CNGB3: variants seen among roughly 807,000 people sequenced by gnomAD.
The protein encoded by CNGB3 is cyclic nucleotide-gated channel beta-3.
A neutral mutation model predicts 92.8 loss-of-function variants in CNGB3; 86 were observed. The ratio of observed to expected loss-of-function variants is 0.93; its 90% CI spans 0.78 to 1.11. The LOEUF is 1.11. CNGB3 is among the 50% of genes least tolerant of loss of function. The pLI, the probability that CNGB3 is intolerant of heterozygous loss-of-function variation, is 0.00. For missense variants in CNGB3, 1,026 were observed against 956.8 expected (o/e 1.07, Z -0.95); for synonymous variants, 333 against 332.7 (o/e 1.00, Z -0.01).
At chr8:86,642,369 A>C (rs1023552006) in intron 10 of CNGB3, among the ~76,000 whole-genome samples, 2 of 151,752 alleles carry the variant, frequency 1.3e-5, no homozygotes, top group African/African-American at 4.8e-5. Flanking sequence ...TCACATTCTA[A>C]AGGGAATTAT....
At chr8:86,630,280 G>A (rs1426866871) in intron 11 of CNGB3, among the ~76,000 whole-genome samples, 1 of 152,164 alleles carries the variant, frequency 6.6e-6, no homozygotes, top group East Asian at 1.9e-4. Context: ...CTAAGGCTGG[G>A]AGACTTGGTA....
rs1337509174 is a variant in CNGB3 at position 86,632,197 on chromosome 8, T to C, written c.1320+555A>G. Among the ~76,000 whole-genome samples, 5 of 63,842 alleles carry C rather than the reference T, an allele frequency of 7.8e-5. No individual in the cohort carries two copies. In the South Asian group the frequency reaches 2.4e-3, roughly 31 times the overall value. 41.9% of individuals were successfully genotyped at this position (63,842 alleles called of 152,430 possible). A position where few individuals can be genotyped will look rare whatever the true frequency, so the allele number is the denominator to read the frequency against. On this transcript the variant is annotated intron_variant, in intron 11 of 17. Coordinates refer to ENST00000320005, the MANE Select transcript of CNGB3 (RefSeq NM_019098.5). ...TTGGGTGACAGAGCAAGACCCTGTC[T>C]CAAAAAAAAAAAAAAAAAAAAAGGG... is the stretch of plus-strand genomic sequence containing the variant.
chr8:86,653,494 C>G (rs1823444352), intron 7 of CNGB3, among the ~76,000 whole-genome samples: 1 of 152,006 alleles, frequency 6.6e-6, no homozygotes, highest in Non-Finnish European at 1.5e-5. Context: ...ACCTAAATAA[C>G]CCCTGACCTC....
intron 3 of CNGB3, among the ~76,000 whole-genome samples, chr8:86,722,035 C>T (rs1021404545): frequency 2.6e-5 from 4 of 152,116 alleles, no homozygotes; most frequent in Non-Finnish European, 4.4e-5. Context: ...AATAACCTTC[C>T]TTCTCAGTAT....
At chr8:86,668,253 G>C (rs909745687) in intron 4 of CNGB3, 85 bp from the exon 5 acceptor site, 1 of 1,348,998 alleles carries the variant, frequency 7.4e-7, no homozygotes, top group Admixed American at 1.9e-5. Flanking sequence ...ACCAAACACC[G>C]CATGTTCTCA....
intron 15 of CNGB3, among the ~76,000 whole-genome samples, chr8:86,583,753 C>T (rs979152695): frequency 1.3e-5 from 2 of 151,814 alleles, no homozygotes; most frequent in Non-Finnish European, 2.9e-5. Flanking sequence ...AATCCCATCT[C>T]TACAAAAAAT....
chr8:86,694,420 G>A (rs1481060276), intron 3 of CNGB3, among the ~76,000 whole-genome samples: 11 of 151,390 alleles, frequency 7.3e-5, no homozygotes, highest in South Asian at 2.1e-4. Flanking sequence ...CCTCCCTCCC[G>A]GACGGGGTGG....
chr8:86,699,582 A>G (rs867230753), intron 3 of CNGB3, among the ~76,000 whole-genome samples: 1 of 152,222 alleles, frequency 6.6e-6, no homozygotes, highest in Middle Eastern at 3.2e-3. Flanking sequence ...CTTGCTGAAT[A>G]TGATATATGA....
At chr8:86,683,702 G>C (rs535925865) in intron 3 of CNGB3, among the ~76,000 whole-genome samples, 1 of 152,266 alleles carries the variant, frequency 6.6e-6, no homozygotes, top group African/African-American at 2.4e-5. Flanking sequence ...GCTACCAAGT[G>C]ATTTTTGACA....
At chr8:86,624,438 G>A (rs899026569) in intron 13 of CNGB3, among the ~76,000 whole-genome samples, 2 of 151,904 alleles carry the variant, frequency 1.3e-5, no homozygotes, top group South Asian at 4.2e-4. Flanking sequence ...AAATAAATAA[G>A]TAAATAAAGT....
chr8:86,604,942 G>GT (rs1822385216), intron 14 of CNGB3, among the ~76,000 whole-genome samples: 1 of 152,154 alleles, frequency 6.6e-6, no homozygotes, highest in South Asian at 2.1e-4. Context: ...CTTGTACATA[G>GT]TTTGAAAGTC....
chr8:86,694,080 A>T (rs1380371283), intron 3 of CNGB3, among the ~76,000 whole-genome samples: 1 of 105,550 alleles, frequency 9.5e-6, no homozygotes, highest in Non-Finnish European at 2.0e-5. Context: ...GGGGGGGCTG[A>T]CCCCCCCACC....
In CNGB3 at chr8:86,604,197, C is replaced by T. The variant is rs756592906; in HGVS notation, c.1677G>A (p.Lys559=). 16 of 1,608,788 alleles carry T rather than the reference C, an allele frequency of 9.9e-6. No individual in the cohort carries two copies. Among genetic ancestry groups the T allele is most frequent in the Non-Finnish European group, 1.2e-5 (14 of 1,175,430 alleles). Residue 559 remains lysine, a synonymous_variant, in exon 15 of 18, where the codon AAG becomes AAA. Transcript: ENST00000320005. The part of the protein sequence containing the change: ...DFVCKKGEIG[K]EMYIIKHGEV... The stretch of plus-strand genomic sequence containing the variant: ...CTCCATGCTTGATGATATACATTTC[C>T]TTGCCAATTTCTCCCTACATTTTAA...
At chr8:86,675,260 A>G (rs1235640025) in intron 3 of CNGB3, among the ~76,000 whole-genome samples, 4 of 152,216 alleles carry the variant, frequency 2.6e-5, no homozygotes, top group Middle Eastern at 3.4e-3. Flanking sequence ...GTCTGTAGAC[A>G]TGAGGTTTCA....
intron 15 of CNGB3, among the ~76,000 whole-genome samples, chr8:86,580,717 G>A (rs944638615): frequency 3.9e-5 from 6 of 152,186 alleles, no homozygotes; most frequent in South Asian, 2.1e-4. Context: ...TGTCGTTACC[G>A]GTGATCTGAG....
chr8:86,584,870 A>G (rs1821862449), intron 15 of CNGB3, among the ~76,000 whole-genome samples: 1 of 152,234 alleles, frequency 6.6e-6, no homozygotes, highest in African/African-American at 2.4e-5. Flanking sequence ...GTATTTATTA[A>G]GTGCCTACCA....
intron 1 of CNGB3, 103 bp from the exon 2 acceptor site, chr8:86,739,839 T>A: frequency 7.7e-7 from 1 of 1,292,490 alleles, no homozygotes; most frequent in Non-Finnish European, 1.1e-6. Context: ...ATCAGATCAT[T>A]AAAATTGACT....
chr8:86,690,356 T>C (rs1824287243), intron 3 of CNGB3, among the ~76,000 whole-genome samples: 1 of 152,230 alleles, frequency 6.6e-6, no homozygotes, highest in South Asian at 2.1e-4. Context: ...TGCATAAATG[T>C]CTTCTTTTGA....
chr8:86,676,215 C>T (rs974257454), intron 3 of CNGB3, among the ~76,000 whole-genome samples: 1 of 152,062 alleles, frequency 6.6e-6, no homozygotes, highest in African/African-American at 2.4e-5. Flanking sequence ...TTTAGTATAA[C>T]ATGGAGAGAT....
Sources: allele counts gnomAD v4.1 joint callset (sites outside exome capture counted in the v4.1 genomes callset), GRCh38; gene constraint gnomAD v4.1.1; transcripts MANE v1.5; gene names NCBI Gene and HGNC (gene_info 2026-07-23, HGNC 2026-07-21).